FAM83E: variants seen among roughly 807,000 people sequenced by gnomAD.
FAM83E encodes protein FAM83E.
In FAM83E, 29 loss-of-function variants were observed where a neutral mutation model predicts 34.3. The observed-to-expected ratio is 0.85, with a 90% CI of 0.63 to 1.15. The LOEUF is 1.15. Among genes scored for constraint, FAM83E ranks in the 50% most tolerant of loss-of-function variants. FAM83E has a pLI of 0.00. For missense variants in FAM83E, 697 were observed against 685.0 expected, an observed-to-expected ratio of 1.02 and a Z score of -0.20; for synonymous variants, 312 against 311.6, an observed-to-expected ratio of 1.00 and a Z score of -0.01.
chr19:48,606,917 G>A, intron 5 of FAM83E: 8 of 1,565,966 alleles, frequency 5.1e-6, no homozygotes, highest in Non-Finnish European at 6.9e-6. Context: ...TCATTCAGCG[G>A]TTCCGGGAGG....
intron 4 of FAM83E, 95 bp downstream of exon 4, chr19:48,610,585 A>G: frequency 1.4e-6 from 2 of 1,385,224 alleles, no homozygotes; most frequent in Non-Finnish European, 1.9e-6. Flanking sequence ...GCTAGCATCC[A>G]TCTCAATGAC....
At chr19:48,610,972 G>A (rs907611014) in intron 3 of FAM83E, 125 bp from the exon 4 acceptor site, 1 of 966,662 alleles carries the variant, frequency 1.0e-6, no homozygotes, top group Non-Finnish European at 1.5e-6. Flanking sequence ...GGAGTTTAAA[G>A]TTCAGGTGGG....
chr19:48,602,686 CAAA>C (rs746923737), intron 6 of FAM83E, among the ~76,000 whole-genome samples: 56 of 4,994 alleles, frequency 0.011, no homozygotes, highest in African/African-American at 0.04. Flanking sequence ...GACCCTATCT[CAAA>C]AAAAAAAAAA....
At position 48,615,022 on chromosome 19, in the gene FAM83E, C is replaced by G. The variant is rs1411530535; in HGVS notation, c.-1473G>C. Among the ~76,000 whole-genome samples the G allele has an allele frequency of 6.6e-6, 1 of 152,180 alleles. No individual in the cohort carries two copies. The highest frequency in any genetic ancestry group is 3.2e-3 in the Middle Eastern group (1 of 316). ...TGAGATTGCCTCACCTGTTCCCAGGCAGTCTCTCCCTCCCCACAGCCCTGC... is the reference window on the plus strand; with the variant it reads ...TGAGATTGCCTCACCTGTTCCCAGGGAGTCTCTCCCTCCCCACAGCCCTGC... On this transcript the variant is annotated 5_prime_UTR_variant, in exon 1 of 7. Transcript: ENST00000263266.
intron 5 of FAM83E, chr19:48,607,177 C>T (rs377704012): frequency 9.3e-6 from 15 of 1,613,036 alleles, no homozygotes; most frequent in Middle Eastern, 1.6e-4. Context: ...AGGCTGCCTG[C>T]GAGCCACCAG....
intron 5 of FAM83E, among the ~76,000 whole-genome samples, chr19:48,609,049 G>A (rs917658790): frequency 9.2e-5 from 14 of 152,106 alleles, no homozygotes; most frequent in African/African-American, 3.4e-4. Flanking sequence ...TGAGGGACCT[G>A]GTTCTAGAGG....
At chr19:48,610,609 G>A in intron 4 of FAM83E, 71 bp downstream of exon 4, 1 of 1,480,160 alleles carries the variant, frequency 6.8e-7, no homozygotes, top group South Asian at 1.3e-5. Context: ...GAGCTCCATG[G>A]AAGGGTCTGC....
rs1974095796 is a variant in FAM83E, at chr19:48,613,896, G to A, written c.-524C>T. 1.0e-6 allele frequency: 1 copy of A among 985,418 alleles called. No individual in the cohort carries two copies. Among genetic ancestry groups the A allele is most frequent in the Non-Finnish European group, 1.2e-6 (1 of 829,934 alleles). 61.0% of individuals were successfully genotyped at this position (985,418 alleles called of 1,614,324 possible). A position where few individuals can be genotyped will look rare whatever the true frequency, so the allele number is the denominator to read the frequency against. On this transcript the variant is annotated 5_prime_UTR_variant, in exon 3 of 7. Transcript: ENST00000263266. ...ATCACCCAAAGGTCCTTAAAGGCAC[G>A]ACAGGTTGCCTGCCTGCCCCCGGCC...
In FAM83E at chr19:48,603,541, G is replaced by A. The variant is rs768324068; in HGVS notation, c.1129C>T (p.Leu377=). Residue 377 remains leucine (L), a synonymous_variant, in exon 6 of 7, where the codon CTA becomes TTA. Coordinates refer to ENST00000263266, the MANE Select transcript of FAM83E (RefSeq NM_017708.4). The stretch of plus-strand genomic sequence containing the variant: ...CCAGACAGCTGGGACAGGCGGCTTA[G>A]GTCCCACATGGAGCGGCTGGGCCGG... ...PARPSRSMWD[L]SRLSQLSGSS... The A allele has an allele frequency of 1.3e-6, 2 of 1,568,202 alleles. No homozygotes were observed. Among genetic ancestry groups the A allele is most frequent in the Non-Finnish European group, 1.7e-6 (2 of 1,165,252 alleles).
Position 48,611,870 on chromosome 19 carries a change from C to G in FAM83E, c.466-1023G>C, listed in dbSNP as rs533393362. Among the ~76,000 whole-genome samples, 3 of 152,270 alleles carry G rather than the reference C, an allele frequency of 2.0e-5. No homozygotes were observed. The East Asian group carries it at 5.8e-4, about 29-fold the overall frequency. Reference sequence around the variant, plus strand: ...GGCTGTAGGATCAGTGGTGGATGTCCCGTAGGGCACTGTGGGCAACTGCAT... The same window carrying G: ...GGCTGTAGGATCAGTGGTGGATGTCGCGTAGGGCACTGTGGGCAACTGCAT... On this transcript the variant is annotated intron_variant, in intron 3 of 6. Transcript: ENST00000263266.
intron 5 of FAM83E, among the ~76,000 whole-genome samples, chr19:48,605,915 A>G (rs1973920117): frequency 6.6e-6 from 1 of 152,186 alleles, no homozygotes; most frequent in Non-Finnish European, 1.5e-5. Context: ...AAATGACTGA[A>G]TTTGAATCAA....
Position 48,601,130 on chromosome 19 carries a change from T to C in FAM83E, c.1416A>G (p.Ala472=), listed in dbSNP as rs372018939. The part of the protein sequence containing the change: ...GVRPSDWAPR[A]GLGGQP ...CTGTTCAGGGTTGCCCCCCAAGTCC[T>C]GCCCGGGGGGCCCAGTCTGACGGCC... Residue 472 remains alanine, a synonymous_variant, in exon 7 of 7, where the codon GCA becomes GCG. Coordinates refer to ENST00000263266, the MANE Select transcript of FAM83E (RefSeq NM_017708.4). The C allele has an allele frequency of 9.7e-5, 156 of 1,612,522 alleles. No homozygotes were observed. Among genetic ancestry groups the C allele is most frequent in the Non-Finnish European group, 1.2e-4 (142 of 1,179,624 alleles).
In FAM83E at chr19:48,601,139, G is replaced by T; in HGVS notation, c.1407C>A (p.Ala469=). ...EPRGVRPSDW[A]PRAGLGGQP ...GTTGCCCCCCAAGTCCTGCCCGGGG[G>T]GCCCAGTCTGACGGCCTGACGCCTC... is the stretch of plus-strand genomic sequence containing the variant. The change falls in exon 7 of 7, where the codon GCC becomes GCA. Residue 469 remains alanine, a synonymous_variant. Transcript: ENST00000263266. 1 of 1,612,866 alleles carries T rather than the reference G, an allele frequency of 6.2e-7. No individual in the cohort carries two copies. Among genetic ancestry groups the T allele is most frequent in the South Asian group, 1.1e-5 (1 of 90,942 alleles).
rs957858087 is a variant in FAM83E, at chr19:48,610,939, G to C, written c.466-92C>G. On this transcript the variant is annotated intron_variant, in intron 3 of 6. Coordinates refer to ENST00000263266, the MANE Select transcript of FAM83E (RefSeq NM_017708.4). ...TGGGAAACCTGACATCTGGAATCTG[G>C]GAGTAAAGTGCTCTGGGGGCTGGGA... The C allele has an allele frequency of 3.1e-5, 41 of 1,314,726 alleles. No homozygotes were observed. The Middle Eastern group carries it at 5.6e-4, about 18-fold the overall frequency. The allele number at this position is 1,314,726 out of a possible 1,614,324, so 81.4% of individuals were successfully genotyped here.
chr19:48,614,624 G>A lies in FAM83E; in HGVS notation c.-1252C>T. The A allele has an allele frequency of 1.0e-6, 1 of 986,100 alleles. No individual in the cohort carries two copies. The highest frequency in any genetic ancestry group is 6.1e-5 in the Admixed American group (1 of 16,288). The allele number at this position is 986,100 out of a possible 1,614,324, so 61.1% of individuals were successfully genotyped here. On this transcript the variant is annotated 5_prime_UTR_variant, in exon 3 of 7. Coordinates refer to ENST00000263266, the MANE Select transcript of FAM83E (RefSeq NM_017708.4). ...CGCTGCTTCCTCCAGACCACAGCAGGGAGCTGCAAAGAGAAGAAAGGAGTC... is the reference window on the plus strand; with the variant it reads ...CGCTGCTTCCTCCAGACCACAGCAGAGAGCTGCAAAGAGAAGAAAGGAGTC...
chr19:48,602,809 ATG>A (rs1973850265), intron 6 of FAM83E, among the ~76,000 whole-genome samples: 1 of 103,784 alleles, frequency 9.6e-6, no homozygotes, highest in African/African-American at 3.6e-5. Context: ...CACTTCAGGA[ATG>A]TATTTATTTA....
chr19:48,601,421 G>T, intron 6 of FAM83E, 52 bp from the exon 7 acceptor site: 1 of 1,541,014 alleles, frequency 6.5e-7, no homozygotes, highest in Non-Finnish European at 8.8e-7. Context: ...GGGCCCTGGG[G>T]GCATCCCAGA....
chr19:48,604,168 G>A (rs1253040432), intron 5 of FAM83E, among the ~76,000 whole-genome samples: 3 of 151,944 alleles, frequency 2.0e-5, no homozygotes, highest in Non-Finnish European at 4.4e-5. Context: ...TGAGGCAGGA[G>A]GGTTGCTTGA....
chr19:48,603,060 G>A (rs1202805778), intron 6 of FAM83E, among the ~76,000 whole-genome samples: 1 of 151,360 alleles, frequency 6.6e-6, no homozygotes, highest in Non-Finnish European at 1.5e-5. Flanking sequence ...CACTATGCTG[G>A]CCAGGCTGGT....
Sources: gnomAD v4.1 joint callset for allele counts (sites outside exome capture counted in the v4.1 genomes callset) on GRCh38, gnomAD v4.1.1 for gene constraint, MANE v1.5 for transcripts, NCBI Gene and HGNC (gene_info 2026-07-23, HGNC 2026-07-21) for gene names.